Variants in FAM53A observed in about 807,000 individuals in gnomAD.
The protein encoded by FAM53A is family with sequence similarity 53 member A, also known as protein FAM53A.
A neutral mutation model predicts 26.6 loss-of-function variants in FAM53A; 28 were observed. The observed-to-expected ratio is 1.05, with a 90% confidence interval of 0.78 to 1.45. The LOEUF is 1.45. Among genes scored for constraint, FAM53A ranks in the 40% most tolerant of loss-of-function variants. The pLI is 0.00. For missense variants in FAM53A, 650 were observed against 575.8 expected, an observed-to-expected ratio of 1.13 and a Z score of -1.32; for synonymous variants, 290 against 253.1, an observed-to-expected ratio of 1.15 and a Z score of -1.38.
the FAM53A span, among the ~76,000 whole-genome samples, chr4:1,606,613 C>T: frequency 6.6e-6 from 1 of 152,204 alleles, no homozygotes; most frequent in African/African-American, 2.4e-5. Context: ...TTATGTGGGA[C>T]GGGTCCTCTG....
At position 1,650,775 on chromosome 4, in the gene FAM53A, C is replaced by A. The variant is rs1281569840; in HGVS notation, c.882+4203G>T. Among the ~76,000 whole-genome samples the A allele has an allele frequency of 1.8e-4, 27 of 150,610 alleles. 1 individual carries two copies. The highest frequency in any genetic ancestry group is 6.3e-4 in the African/African-American group (26 of 41,072). On this transcript the variant is annotated intron_variant, in intron 4 of 4. Transcript: ENST00000308132. ...CCTCCCAAGGTGCTGGGATTACAGG[C>A]GTGAGCCAGTACACCCGGCGGGTTT... is the stretch of plus-strand genomic sequence containing the variant.
intron 3 of FAM53A, among the ~76,000 whole-genome samples, chr4:1,656,541 C>T (rs899350513): frequency 1.1e-4 from 17 of 151,980 alleles, no homozygotes; most frequent in African/African-American, 4.1e-4. Flanking sequence ...GCAGGGAGAG[C>T]GGCCGGCTGG....
downstream of FAM53A, among the ~76,000 whole-genome samples, chr4:1,639,399 T>G (rs985571378): frequency 6.6e-6 from 1 of 152,174 alleles, no homozygotes; most frequent in African/African-American, 2.4e-5. Context: ...CTGGCAACTG[T>G]GTCAAAGTCC....
chr4:1,644,135 C>T (rs1196861892), intron 4 of FAM53A: 2 of 1,514,970 alleles, frequency 1.3e-6, no homozygotes, highest in Non-Finnish European at 1.8e-6. Flanking sequence ...CTCCAATCCA[C>T]AGCACCACCA....
chr4:1,662,394 T>A (rs1713899207), intron 2 of FAM53A, among the ~76,000 whole-genome samples: 1 of 146,018 alleles, frequency 6.8e-6, no homozygotes, highest in Non-Finnish European at 1.5e-5. Flanking sequence ...CAGAAGACTC[T>A]CTCGAACCCA....
At position 1,677,909 on chromosome 4, in the gene FAM53A, C is replaced by T. The variant is rs561039170; in HGVS notation, c.-165+6324G>A. Among the ~76,000 whole-genome samples, 11 of 152,260 alleles carry T rather than the reference C, an allele frequency of 7.2e-5. No homozygotes were observed. In the South Asian group the frequency reaches 1.2e-3, roughly 17 times the overall value. ...GCAATGAGCTGAGATTGCACCACTG[C>T]GCCCCAGCCTGGGTGACAGAGTGAG... On this transcript the variant is annotated intron_variant, in intron 1 of 4. Coordinates refer to ENST00000308132, the MANE Select transcript of FAM53A (RefSeq NM_001174070.3).
chr4:1,651,306 C>T (rs1297734273), intron 4 of FAM53A, among the ~76,000 whole-genome samples: 6 of 151,000 alleles, frequency 4.0e-5, no homozygotes, highest in African/African-American at 9.7e-5. Context: ...CCGAGGCAGG[C>T]GGATCACCTG....
chr4:1,621,450 T>G (rs1715032948), intron 1 of FAM53A, among the ~76,000 whole-genome samples: 1 of 152,166 alleles, frequency 6.6e-6, no homozygotes, highest in South Asian at 2.1e-4. Flanking sequence ...GTCTAACACT[T>G]TCACTCACAT....
Position 1,623,036 on chromosome 4 carries a change from C to T in FAM53A, c.432-4925G>A, listed in dbSNP as rs560455270. Among the ~76,000 whole-genome samples the T allele has an allele frequency of 1.1e-4, 17 of 152,356 alleles. No individual in the cohort carries two copies. The East Asian group carries it at 3.3e-3, about 29-fold the overall frequency. ...AACGAAGGCACAGGCGCTGAAGCAG[C>T]CCCCACGGTCACAGGGCTGACAGTG... On this transcript the variant is annotated intron_variant, in intron 1 of 1. Transcript: ENST00000489029.
At chr4:1,657,198 G>A (rs1713450541) in intron 3 of FAM53A, among the ~76,000 whole-genome samples, 1 of 152,152 alleles carries the variant, frequency 6.6e-6, no homozygotes, top group East Asian at 1.9e-4. Context: ...CACCCTACAC[G>A]AGCCGTCCTG....
the FAM53A span, among the ~76,000 whole-genome samples, chr4:1,603,078 T>C: frequency 2.6e-5 from 4 of 152,182 alleles, no homozygotes; most frequent in Admixed American, 2.6e-4. Flanking sequence ...TCTCGCCACC[T>C]TTCCCCAAGC....
intron 1 of FAM53A, among the ~76,000 whole-genome samples, chr4:1,676,301 C>A (rs906884509): frequency 5.9e-5 from 9 of 152,174 alleles, no homozygotes; most frequent in Non-Finnish European, 1.2e-4. Context: ...ATTCTCCCTG[C>A]GTGTGCCTGT....
downstream of FAM53A, among the ~76,000 whole-genome samples, chr4:1,615,855 C>T (rs74596470): frequency 2.0e-5 from 3 of 152,336 alleles, no homozygotes; most frequent in African/African-American, 7.2e-5. Context: ...TCTCCAAAGC[C>T]GCCATGCAGC....
chr4:1,680,533 T>A (rs1018370747), intron 1 of FAM53A, among the ~76,000 whole-genome samples: 1 of 152,062 alleles, frequency 6.6e-6, no homozygotes, highest in African/African-American at 2.4e-5. Flanking sequence ...CAGATGCCCA[T>A]AGCAGCTGTA....
chr4:1,608,480 C>T, the FAM53A span, among the ~76,000 whole-genome samples: 1 of 152,358 alleles, frequency 6.6e-6, no homozygotes, highest in African/African-American at 2.4e-5. Context: ...CAGTTGTCTC[C>T]GTCTTGCTCT....
chr4:1,665,501 A>C (rs1455716720), intron 2 of FAM53A, among the ~76,000 whole-genome samples: 1 of 152,040 alleles, frequency 6.6e-6, no homozygotes, highest in Non-Finnish European at 1.5e-5. Context: ...AAAAAAAAAA[A>C]AGTAAAAAGA....
the FAM53A span, among the ~76,000 whole-genome samples, chr4:1,611,365 C>G: frequency 1.3e-5 from 2 of 152,202 alleles, no homozygotes; most frequent in East Asian, 3.9e-4. Context: ...CAGTCTCCCC[C>G]CGTCCTCCTG....
At chr4:1,635,742 A>G (rs928070809), downstream of FAM53A, among the ~76,000 whole-genome samples, 15 of 151,880 alleles carry the variant, frequency 9.9e-5, no homozygotes, top group African/African-American at 3.4e-4. Context: ...GAGTTACATC[A>G]AGTGCATTTT....
the FAM53A span, among the ~76,000 whole-genome samples, chr4:1,609,700 C>T: frequency 6.6e-5 from 10 of 152,086 alleles, no homozygotes; most frequent in Non-Finnish European, 7.4e-5. Context: ...CAGTGGCTCA[C>T]GCCTGTAATC....
Sources: gnomAD v4.1 joint callset for allele counts (sites outside exome capture counted in the v4.1 genomes callset) on GRCh38, gnomAD v4.1.1 for gene constraint, MANE v1.5 for transcripts, NCBI Gene and HGNC (gene_info 2026-07-23, HGNC 2026-07-21) for gene names.